GNG4: variants seen among roughly 807,000 people sequenced by gnomAD.
The protein encoded by GNG4 is guanine nucleotide-binding protein G(I)/G(S)/G(O) subunit gamma-4.
Under a neutral mutation model 5.8 loss-of-function variants are expected in GNG4, and 4 were observed. The observed-to-expected ratio is 0.69, with a 90% CI of 0.34 to 1.57. GNG4 has a LOEUF of 1.57. Among genes scored for constraint, GNG4 ranks in the 40% most tolerant of loss-of-function variants. The probability of loss-of-function intolerance (pLI) is 0.06; values close to 1 mark genes in which losing one functional copy is unlikely to be tolerated. For synonymous variants in GNG4, 29 were observed against 32.9 expected (o/e 0.88, Z 0.41); for missense variants, 96 against 95.1 (o/e 1.01, Z -0.04).
Position 235,624,277 on chromosome 1 carries a change from AT to A in GNG4, c.-123+25384del, listed in dbSNP as rs879375174. On this transcript the variant is annotated intron_variant, in intron 1 of 3. Coordinates refer to ENST00000391854, the MANE Select transcript of GNG4 (RefSeq NM_001098722.2). The stretch of plus-strand genomic sequence containing the variant: ...ACCACCACGCCCGGCTAATTTTTGT[AT>A]TTTTTTTTTTTTAGTAGAGATGGGG... 7.0e-3 allele frequency among the ~76,000 whole-genome samples: 970 copies of A among 139,120 alleles called. 5 individuals carry two copies. Among genetic ancestry groups the A allele is most frequent in the African/African-American group, 0.014 (549 of 37,976 alleles). The allele number at this position is 139,120 out of a possible 152,430, so 91.3% of individuals were successfully genotyped here.
At chr1:235,570,328 C>T (rs1319570316) in intron 3 of GNG4, among the ~76,000 whole-genome samples, 2 of 151,948 alleles carry the variant, frequency 1.3e-5, no homozygotes. Context: ...AGTGGTGCTC[C>T]CACCTCCCTC....
intron 3 of GNG4, among the ~76,000 whole-genome samples, chr1:235,573,494 A>T (rs1007315693): frequency 7.3e-5 from 11 of 151,672 alleles, no homozygotes; most frequent in Non-Finnish European, 1.5e-4. Context: ...AATAGGACTC[A>T]CGGCCCGGTG....
At chr1:235,553,063 C>T in intron 3 of GNG4, among the ~76,000 whole-genome samples, 1 of 82,898 alleles carries the variant, frequency 1.2e-5, no homozygotes, top group East Asian at 7.2e-4. Flanking sequence ...CCAGCCAGCA[C>T]ACATGTTTTA....
chr1:235,640,187 G>A (rs912509612), intron 1 of GNG4, among the ~76,000 whole-genome samples: 2 of 152,110 alleles, frequency 1.3e-5, no homozygotes, highest in African/African-American at 4.8e-5. Flanking sequence ...TCATGCTTAC[G>A]GTGGTCAAAC....
At chr1:235,577,138 A>G (rs1687502895) in intron 3 of GNG4, among the ~76,000 whole-genome samples, 1 of 152,168 alleles carries the variant, frequency 6.6e-6, no homozygotes, top group Non-Finnish European at 1.5e-5. Flanking sequence ...AATAAGCTAC[A>G]GAGCCTGGTG....
chr1:235,618,959 G>T (rs1293010395), intron 1 of GNG4, among the ~76,000 whole-genome samples: 1 of 150,486 alleles, frequency 6.6e-6, no homozygotes, highest in African/African-American at 2.4e-5. Context: ...CGCCGCCAGT[G>T]AGTTTTTCAT....
chr1:235,570,945 C>CAT (rs1553365429), intron 3 of GNG4, among the ~76,000 whole-genome samples: 100 of 115,572 alleles, frequency 8.7e-4, no homozygotes, highest in South Asian at 2.0e-3. Context: ...CACACACACA[C>CAT]ATATATATAT....
At chr1:235,631,008 C>T (rs1049675368) in intron 1 of GNG4, among the ~76,000 whole-genome samples, 1 of 151,994 alleles carries the variant, frequency 6.6e-6, no homozygotes, top group Non-Finnish European at 1.5e-5. Flanking sequence ...AAGCGATTCT[C>T]CTGCCTCAGC....
intron 1 of GNG4, among the ~76,000 whole-genome samples, chr1:235,637,515 C>T (rs1324794557): frequency 1.1e-4 from 16 of 151,984 alleles, no homozygotes; most frequent in African/African-American, 3.6e-4. Flanking sequence ...TAGCTGGGCG[C>T]GGTGGCGCGT....
At chr1:235,581,388 GC>G (rs1687631442) in intron 3 of GNG4, among the ~76,000 whole-genome samples, 1 of 151,964 alleles carries the variant, frequency 6.6e-6, no homozygotes, top group African/African-American at 2.4e-5. Flanking sequence ...AATTAGCCGG[GC>G]GTGGTGGTGG....
At chr1:235,593,684 G>A (rs1688044985) in intron 2 of GNG4, among the ~76,000 whole-genome samples, 1 of 152,142 alleles carries the variant, frequency 6.6e-6, no homozygotes, top group Non-Finnish European at 1.5e-5. Flanking sequence ...TGGGTTCATG[G>A]TCTCGCTGGC....
chr1:235,633,804 C>G (rs77261660), intron 1 of GNG4, among the ~76,000 whole-genome samples: 6,851 of 152,228 alleles, frequency 0.045, 499 homozygotes, highest in African/African-American at 0.15. Context: ...CTCCTCTCAA[C>G]CAGGAGTCAC....
intron 3 of GNG4, among the ~76,000 whole-genome samples, chr1:235,570,945 CAT>C (rs1553365429): frequency 2.8e-4 from 32 of 115,642 alleles, no homozygotes; most frequent in South Asian, 8.7e-4. Context: ...CACACACACA[CAT>C]ATATATATAC....
At chr1:235,587,703 T>A in intron 2 of GNG4, among the ~76,000 whole-genome samples, 1 of 54,816 alleles carries the variant, frequency 1.8e-5, no homozygotes, top group African/African-American at 6.5e-5. Flanking sequence ...TGGGTGTCTG[T>A]GTGTGAGGGT....
intron 1 of GNG4, among the ~76,000 whole-genome samples, chr1:235,616,693 C>G (rs564181648): frequency 1.3e-5 from 2 of 151,912 alleles, no homozygotes; most frequent in Non-Finnish European, 2.9e-5. Context: ...TCTGATTACC[C>G]TCGCCTCTTT....
Position 235,552,189 on chromosome 1 carries a change from G to T in GNG4, c.148C>A (p.Arg50=), listed in dbSNP as rs747916965. Reference sequence around the variant, plus strand: ...ACTGGAATGATGAGAGGATCTTCCCGCACGTGAGCTTCACAGTAGGCCAGG... The same window carrying T: ...ACTGGAATGATGAGAGGATCTTCCCTCACGTGAGCTTCACAGTAGGCCAGG... ...DLLAYCEAHV[R]EDPLIIPVPA... The change falls in exon 4 of 4, where the codon CGG becomes AGG. Residue 50 remains arginine, a synonymous_variant. Coordinates refer to ENST00000391854, the MANE Select transcript of GNG4 (RefSeq NM_001098722.2). 1 of 1,613,636 alleles carries T rather than the reference G, an allele frequency of 6.2e-7. No individual in the cohort carries two copies.
intron 1 of GNG4, among the ~76,000 whole-genome samples, chr1:235,628,993 A>ATTTTTTTTTTTTTTTTTTTTTTTT (rs1054950474): frequency 8.4e-6 from 1 of 118,366 alleles, no homozygotes. Context: ...ATTTGCTTGA[A>ATTTTTTTTTTTTTTTTTTTTTTTT]TTTTTTTTTT....
At chr1:235,590,870 T>C (rs1264073490) in intron 2 of GNG4, among the ~76,000 whole-genome samples, 3 of 152,222 alleles carry the variant, frequency 2.0e-5, no homozygotes, top group Non-Finnish European at 4.4e-5. Context: ...ATGGGACGCA[T>C]AGGATGTCTC....
chr1:235,634,645 G>C (rs1341309118), intron 1 of GNG4, among the ~76,000 whole-genome samples: 1 of 152,164 alleles, frequency 6.6e-6, no homozygotes, highest in Non-Finnish European at 1.5e-5. Flanking sequence ...CCACAGTAAG[G>C]CTGCCTTCCT....
Sources: allele counts gnomAD v4.1 joint callset (sites outside exome capture counted in the v4.1 genomes callset), GRCh38; gene constraint gnomAD v4.1.1; transcripts MANE v1.5; gene names NCBI Gene and HGNC (gene_info 2026-07-23, HGNC 2026-07-21).